Variants in ELSPBP1 observed in about 807,000 individuals in gnomAD.
The protein encoded by ELSPBP1 is epididymal sperm binding protein 1.
A neutral mutation model predicts 33.3 loss-of-function variants in ELSPBP1; 38 were observed. The observed-to-expected ratio is 1.14, with a 90% CI of 0.88 to 1.50. The LOEUF (loss-of-function observed/expected upper bound fraction) is 1.50. Among genes scored for constraint, ELSPBP1 ranks in the 40% most tolerant of loss-of-function variants. The probability of loss-of-function intolerance (pLI) is 0.00; values close to 1 mark genes in which losing one functional copy is unlikely to be tolerated. For synonymous variants in ELSPBP1, 85 were observed against 94.1 expected (o/e 0.90, Z 0.56); for missense variants, 267 against 263.5 (o/e 1.01, Z -0.09).
chr19:48,024,141 C>T (rs1237928264), intron 6 of ELSPBP1, among the ~76,000 whole-genome samples: 1 of 151,836 alleles, frequency 6.6e-6, no homozygotes, highest in Non-Finnish European at 1.5e-5. Flanking sequence ...AACTCGGCCT[C>T]CCAAAGTGCT....
At chr19:48,001,435 C>T (rs1657590116) in intron 1 of ELSPBP1, among the ~76,000 whole-genome samples, 1 of 151,896 alleles carries the variant, frequency 6.6e-6, no homozygotes, top group African/African-American at 2.4e-5. Context: ...TGTGATCCAC[C>T]CGCCTCGGCA....
chr19:48,002,633 A>G (rs1260882062), intron 1 of ELSPBP1, among the ~76,000 whole-genome samples: 1 of 152,242 alleles, frequency 6.6e-6, no homozygotes, highest in Non-Finnish European at 1.5e-5. Flanking sequence ...TCTACTAAAA[A>G]GACAAAAAAA....
Position 48,019,757 on chromosome 19 carries a change from C to T in ELSPBP1, c.394C>T (p.Pro132Ser). ...GNSLRKPCIF[P>S]SIYRNNVVSD... Reference sequence around the variant, plus strand: ...TTCTCTCAGGAAGCCCTGCATCTTCCCCTCCATCTACAGAAATAATGTGGT... The same window carrying T: ...TTCTCTCAGGAAGCCCTGCATCTTCTCCTCCATCTACAGAAATAATGTGGT... The change falls in exon 5 of 7, where the codon CCC (proline) becomes TCC (serine). Residue 132 changes from proline to serine, a missense_variant. Physicochemically the swap from Pro to Ser is moderately conservative, Grantham distance 74. Transcript: ENST00000339841. 5.6e-6 allele frequency: 9 copies of T among 1,613,940 alleles called. No homozygotes were observed. The highest frequency in any genetic ancestry group is 7.6e-6 in the Non-Finnish European group (9 of 1,179,976).
chr19:48,016,127 G>A (rs1035285534), intron 4 of ELSPBP1, 88 bp downstream of exon 4: 1 of 1,496,006 alleles, frequency 6.7e-7, no homozygotes, highest in South Asian at 1.2e-5. Flanking sequence ...GCAAGGTAGA[G>A]ACCAGAGCAC....
intron 2 of ELSPBP1, among the ~76,000 whole-genome samples, chr19:48,009,837 G>T (rs969794747): frequency 1.6e-4 from 25 of 152,074 alleles, no homozygotes; most frequent in African/African-American, 6.0e-4. Flanking sequence ...CATCTGGTCA[G>T]GAAACAATGC....
intron 2 of ELSPBP1, among the ~76,000 whole-genome samples, chr19:48,013,631 C>A (rs368394882): frequency 4.6e-5 from 7 of 151,982 alleles, no homozygotes; most frequent in Non-Finnish European, 7.4e-5. Context: ...GCAGGAGAAT[C>A]TCTTGAACCC....
At chr19:48,023,449 AGGGAGG>A (rs1967229085) in intron 6 of ELSPBP1, among the ~76,000 whole-genome samples, 1 of 114,308 alleles carries the variant, frequency 8.7e-6, no homozygotes, top group Non-Finnish European at 1.8e-5. Context: ...AAAGTAGGAA[AGGGAGG>A]AGGGAAGGAA....
intron 6 of ELSPBP1, among the ~76,000 whole-genome samples, chr19:48,024,136 G>A (rs560055510): frequency 9.9e-5 from 15 of 151,166 alleles, no homozygotes; most frequent in African/African-American, 3.4e-4. Context: ...CATCCAACTC[G>A]GCCTCCCAAA....
intron 1 of ELSPBP1, 45 bp from the exon 2 acceptor site, chr19:48,008,606 G>A (rs1210890481): frequency 7.2e-6 from 10 of 1,384,304 alleles, no homozygotes; most frequent in Non-Finnish European, 1.0e-5. Flanking sequence ...AATGGGAAGA[G>A]GAAGGGGACG....
rs1390957253 is a variant in ELSPBP1, at chr19:48,011,282, A to T, written c.70+2545A>T. The stretch of plus-strand genomic sequence containing the variant: ...AATGATGATGACAATGACGATGATG[A>T]TCACCATGATAATGACAATAATGAG... On this transcript the variant is annotated intron_variant, in intron 2 of 6. Transcript: ENST00000339841. This position sits in a 1 kb window ranked among gnomAD's most constrained non-coding sequence, Gnocchi z 4.5. Among the ~76,000 whole-genome samples, 1 of 151,914 alleles carries T rather than the reference A, an allele frequency of 6.6e-6. No individual in the cohort carries two copies. The highest frequency in any genetic ancestry group is 1.5e-5 in the Non-Finnish European group (1 of 68,008).
intron 1 of ELSPBP1, among the ~76,000 whole-genome samples, chr19:48,002,089 C>T (rs1292157744): frequency 1.3e-5 from 2 of 152,028 alleles, no homozygotes; most frequent in African/African-American, 2.4e-5. Flanking sequence ...ATTATTCTAC[C>T]CACCAAGCGT....
Position 48,000,027 on chromosome 19 carries a change from C to T in ELSPBP1, c.-18+5216C>T, listed in dbSNP as rs140448521. 3.9e-3 allele frequency among the ~76,000 whole-genome samples: 594 copies of T among 150,394 alleles called. 1 individual carries two copies. Among genetic ancestry groups the T allele is most frequent in the African/African-American group, 0.014 (565 of 40,960 alleles). ...TGTAGAGAAGGAGGGGGTCTCACTACGTTGCACAAGCTGGTCTTGAACTCC... is the reference window on the plus strand; with the variant it reads ...TGTAGAGAAGGAGGGGGTCTCACTATGTTGCACAAGCTGGTCTTGAACTCC... On this transcript the variant is annotated intron_variant, in intron 1 of 6. Transcript: ENST00000339841.
At chr19:48,023,293 G>A (rs1000765353) in intron 6 of ELSPBP1, among the ~76,000 whole-genome samples, 18 of 128,112 alleles carry the variant, frequency 1.4e-4, no homozygotes, top group East Asian at 5.5e-4. Context: ...GGGAGGAAAG[G>A]AAGGAAGGAG....
intron 3 of ELSPBP1, 39 bp from the exon 4 acceptor site, chr19:48,015,854 A>G (rs773251287): frequency 6.4e-7 from 1 of 1,569,648 alleles, no homozygotes; most frequent in Non-Finnish European, 8.7e-7. Context: ...GTGAACGACT[A>G]GAGGAAGTTA....
intron 1 of ELSPBP1, among the ~76,000 whole-genome samples, chr19:48,001,615 T>C (rs1966968926): frequency 6.6e-6 from 1 of 151,994 alleles, no homozygotes. Context: ...GGATCATAGC[T>C]CACTGCAGCC....
Position 48,014,317 on chromosome 19 carries a change from T to C in ELSPBP1, c.208+9T>C. 1 of 1,612,640 alleles carries C rather than the reference T, an allele frequency of 6.2e-7. No individual in the cohort carries two copies. Among genetic ancestry groups the C allele is most frequent in the East Asian group, 2.2e-5 (1 of 44,856 alleles). Reference sequence around the variant, plus strand: ...GTACTGCCAGAGTGAAGGTGAGTGGTATCACATTGTCCCTGCCAGTGGCCT... The same window carrying C: ...GTACTGCCAGAGTGAAGGTGAGTGGCATCACATTGTCCCTGCCAGTGGCCT... On this transcript the variant is annotated intron_variant, in intron 3 of 6. Coordinates refer to ENST00000339841, the MANE Select transcript of ELSPBP1 (RefSeq NM_022142.5).
At chr19:48,009,798 T>C (rs1299956740) in intron 2 of ELSPBP1, among the ~76,000 whole-genome samples, 1 of 151,466 alleles carries the variant, frequency 6.6e-6, no homozygotes, top group South Asian at 2.1e-4. Context: ...ATTTTTTTTT[T>C]CTTGGTTCTG....
intron 1 of ELSPBP1, among the ~76,000 whole-genome samples, chr19:48,003,600 G>A (rs1966988596): frequency 6.7e-6 from 1 of 148,224 alleles, no homozygotes; most frequent in South Asian, 2.2e-4. Flanking sequence ...GCAGTGGCAC[G>A]ATCTCGGCTC....
intron 6 of ELSPBP1, among the ~76,000 whole-genome samples, chr19:48,023,227 GGGAA>G (rs1967222103): frequency 7.9e-6 from 1 of 126,302 alleles, no homozygotes; most frequent in Non-Finnish European, 1.7e-5. Flanking sequence ...GAAGGAGGGA[GGGAA>G]GGAAGAAAGA....
Sources: allele counts gnomAD v4.1 joint callset (sites outside exome capture counted in the v4.1 genomes callset), GRCh38; gene constraint gnomAD v4.1.1; non-coding constraint Gnocchi (gnomAD v3.1); transcripts MANE v1.5; gene names NCBI Gene and HGNC (gene_info 2026-07-23, HGNC 2026-07-21).